Variants in EXOC4 observed in about 807,000 individuals in gnomAD.
The protein encoded by EXOC4 is exocyst complex component 4, also known as SEC8-like 1.
A neutral mutation model predicts 107.2 loss-of-function variants in EXOC4; 71 were observed. The ratio of observed to expected loss-of-function variants is 0.66; its 90% confidence interval spans 0.55 to 0.81. EXOC4 has a LOEUF of 0.81. Among genes scored for constraint, EXOC4 ranks in the 30% least tolerant of loss-of-function variants. The probability of loss-of-function intolerance (pLI) is 0.00; values close to 1 mark genes in which losing one functional copy is unlikely to be tolerated. For missense variants in EXOC4, 1,108 were observed against 1,189.6 expected, an observed-to-expected ratio of 0.93 and a Z score of 1.01; for synonymous variants, 456 against 441.2, an observed-to-expected ratio of 1.03 and a Z score of -0.42.
intron 14 of EXOC4, among the ~76,000 whole-genome samples, chr7:133,963,435 A>C (rs1216467979): frequency 6.6e-6 from 1 of 152,224 alleles, no homozygotes; most frequent in Non-Finnish European, 1.5e-5. Context: ...TTGAACCCTC[A>C]GGAATTTCTC....
intron 13 of EXOC4, among the ~76,000 whole-genome samples, chr7:133,936,956 C>T (rs559304611): frequency 1.3e-5 from 2 of 152,260 alleles, no homozygotes; most frequent in South Asian, 2.1e-4. Context: ...CCACTGCGCC[C>T]GGCCTTCAGT....
At chr7:133,855,964 C>G (rs1038358517) in intron 11 of EXOC4, among the ~76,000 whole-genome samples, 1 of 152,214 alleles carries the variant, frequency 6.6e-6, no homozygotes, top group African/African-American at 2.4e-5. Context: ...CATCCTGAGC[C>G]TTGATTTTCT....
intron 11 of EXOC4, among the ~76,000 whole-genome samples, chr7:133,840,561 G>T (rs943740626): frequency 6.6e-6 from 1 of 151,564 alleles, no homozygotes; most frequent in South Asian, 2.1e-4. Context: ...CTGGAGTGCA[G>T]TGGCGCAATC....
chr7:133,618,956 C>T (rs187842575), intron 9 of EXOC4, among the ~76,000 whole-genome samples: 1 of 152,158 alleles, frequency 6.6e-6, no homozygotes, highest in African/African-American at 2.4e-5. Flanking sequence ...CGTCATGGCT[C>T]ATATTTTGCT....
chr7:133,787,008 T>C (rs1796582893), intron 10 of EXOC4, among the ~76,000 whole-genome samples: 1 of 152,214 alleles, frequency 6.6e-6, no homozygotes, highest in Non-Finnish European at 1.5e-5. Flanking sequence ...TTGCAACTAT[T>C]CTTAAAGGTT....
At chr7:133,475,296 A>T (rs1450049852) in intron 7 of EXOC4, 32 bp from the exon 8 acceptor site, 2 of 1,552,644 alleles carry the variant, frequency 1.3e-6, no homozygotes, top group African/African-American at 2.7e-5. Flanking sequence ...AAATGTGTAT[A>T]TTAACATTAA....
intron 9 of EXOC4, among the ~76,000 whole-genome samples, chr7:133,545,763 G>T (rs1349085242): frequency 6.6e-6 from 1 of 152,142 alleles, no homozygotes; most frequent in Admixed American, 6.5e-5. Flanking sequence ...TTGCTTAAAT[G>T]TGCTGGTGCT....
chr7:133,878,657 A>G (rs1174416712), intron 11 of EXOC4, among the ~76,000 whole-genome samples: 26 of 152,152 alleles, frequency 1.7e-4, no homozygotes, highest in Admixed American at 1.7e-3. Flanking sequence ...GATGTTCTAT[A>G]ACATTGACCC....
intron 10 of EXOC4, among the ~76,000 whole-genome samples, chr7:133,699,974 C>T (rs1216784377): frequency 6.6e-6 from 1 of 152,104 alleles, no homozygotes; most frequent in East Asian, 1.9e-4. Flanking sequence ...TTTCTGAAGT[C>T]ATACAGATTG....
intron 3 of EXOC4, among the ~76,000 whole-genome samples, chr7:133,298,305 A>G (rs1429141048): frequency 6.6e-6 from 1 of 152,248 alleles, no homozygotes; most frequent in East Asian, 1.9e-4. Context: ...GGGCTCTTGC[A>G]GAGTGTGGGC....
intron 17 of EXOC4, among the ~76,000 whole-genome samples, chr7:134,058,337 C>G (rs541899343): frequency 7.9e-5 from 12 of 152,100 alleles, no homozygotes; most frequent in African/African-American, 2.9e-4. Flanking sequence ...GGAAGGACTA[C>G]AAGAGAAAGT....
At chr7:133,289,195 A>T in intron 3 of EXOC4, 79 bp downstream of exon 3, 1 of 1,282,908 alleles carries the variant, frequency 7.8e-7, no homozygotes, top group Non-Finnish European at 1.1e-6. Flanking sequence ...GAATCCTGTA[A>T]TGCATGTAGC....
At chr7:134,014,922 T>C (rs1321028518) in intron 17 of EXOC4, among the ~76,000 whole-genome samples, 1 of 152,222 alleles carries the variant, frequency 6.6e-6, no homozygotes, top group East Asian at 1.9e-4. Flanking sequence ...GGCTCATTTT[T>C]TAGTTTCCCT....
At chr7:133,378,502 A>G (rs926636605) in intron 7 of EXOC4, among the ~76,000 whole-genome samples, 3 of 152,014 alleles carry the variant, frequency 2.0e-5, no homozygotes, top group Middle Eastern at 3.2e-3. Context: ...AAAAACAATC[A>G]TAGTGTATGT....
intron 10 of EXOC4, among the ~76,000 whole-genome samples, chr7:133,726,172 G>C (rs532461129): frequency 6.6e-6 from 1 of 152,316 alleles, no homozygotes; most frequent in East Asian, 1.9e-4. Flanking sequence ...CTCCTAGAGA[G>C]AGAATTTGAC....
intron 10 of EXOC4, among the ~76,000 whole-genome samples, chr7:133,709,836 A>AT (rs1222094698): frequency 1.3e-5 from 2 of 152,084 alleles, no homozygotes; most frequent in African/African-American, 4.8e-5. Context: ...ACTTGATAGC[A>AT]TTTTTGTGAG....
chr7:133,576,908 C>A (rs767923499), intron 9 of EXOC4: 1 of 1,276,090 alleles, frequency 7.8e-7, no homozygotes, highest in South Asian at 1.2e-5. Context: ...CTTGTTTGTT[C>A]TTGCTTTCCA....
intron 9 of EXOC4, among the ~76,000 whole-genome samples, chr7:133,496,331 C>A (rs1402862799): frequency 4.6e-5 from 7 of 151,980 alleles, no homozygotes; most frequent in African/African-American, 1.5e-4. Flanking sequence ...TCACACCTGG[C>A]CAATTTTAGC....
intron 10 of EXOC4, among the ~76,000 whole-genome samples, chr7:133,812,606 T>C (rs1448747004): frequency 1.3e-5 from 2 of 152,244 alleles, no homozygotes; most frequent in Non-Finnish European, 1.5e-5. Flanking sequence ...TTTTTTCATT[T>C]TTCATTTTTA....
Sources: allele counts gnomAD v4.1 joint callset (sites outside exome capture counted in the v4.1 genomes callset), GRCh38; gene constraint gnomAD v4.1.1; transcripts MANE v1.5; gene names NCBI Gene and HGNC (gene_info 2026-07-23, HGNC 2026-07-21).